RAB33B: variants seen among roughly 807,000 people sequenced by gnomAD.
The protein encoded by RAB33B is ras-related protein Rab-33B.
In RAB33B, 6 loss-of-function variants were observed where a neutral mutation model predicts 15.0. The observed-to-expected ratio is 0.40, with a 90% confidence interval of 0.22 to 0.79. RAB33B has a LOEUF of 0.79. Ranked by LOEUF, RAB33B falls within the 30% of genes least tolerant of loss-of-function variation. RAB33B has a pLI of 0.37. For synonymous variants in RAB33B, 117 were observed against 108.3 expected (o/e 1.08, Z -0.50); for missense variants, 257 against 296.4 (o/e 0.87, Z 0.98).
At chr4:139,442,179 T>G in the RAB33B span, among the ~76,000 whole-genome samples, 2 of 152,196 alleles carry the variant, frequency 1.3e-5, no homozygotes, top group Non-Finnish European at 2.9e-5. Flanking sequence ...AAATTGAGAT[T>G]TTTTGGGTGT....
intron 1 of RAB33B, among the ~76,000 whole-genome samples, chr4:139,471,829 G>T (rs1022274879): frequency 6.6e-6 from 1 of 152,182 alleles, no homozygotes; most frequent in African/African-American, 2.4e-5. Context: ...CCAAGGTTAC[G>T]AAGAGTTAAA....
Position 139,473,018 on chromosome 4 carries a change from C to T in RAB33B, c.582C>T (p.Thr194=). The T allele has an allele frequency of 1.2e-6, 2 of 1,614,132 alleles. No homozygotes were observed. Among genetic ancestry groups the T allele is most frequent in the Non-Finnish European group, 1.7e-6 (2 of 1,180,004 alleles). ...ACCATGTGGAAGCTATATTTATGAC[C>T]TTGGCTCATAAGCTTAAGAGCCACA... ...DNDHVEAIFM[T]LAHKLKSHKP... Residue 194 remains threonine, a synonymous_variant, in exon 2 of 2, where the codon ACC becomes ACT. Coordinates refer to ENST00000305626, the MANE Select transcript of RAB33B (RefSeq NM_031296.3).
At position 139,476,053 on chromosome 4, in the gene RAB33B, A is replaced by G. The variant is rs1750496784; in HGVS notation, c.*2927A>G. ...CAAAAAGCCCCCAACCCATTGGACAATTATTTTCTTGTATACATTTGAGGT... is the reference window on the plus strand; with the variant it reads ...CAAAAAGCCCCCAACCCATTGGACAGTTATTTTCTTGTATACATTTGAGGT... On this transcript the variant is annotated 3_prime_UTR_variant, in exon 2 of 2. Coordinates refer to ENST00000305626, the MANE Select transcript of RAB33B (RefSeq NM_031296.3). The G allele has an allele frequency of 6.6e-6, 1 of 152,200 alleles. No homozygotes were observed. Among genetic ancestry groups the G allele is most frequent in the African/African-American group, 2.4e-5 (1 of 41,456 alleles). The allele number at this position is 152,200 out of a possible 1,614,324, so 9.4% of individuals were successfully genotyped here.
the RAB33B span, among the ~76,000 whole-genome samples, chr4:139,445,146 TCTC>T: frequency 4.6e-5 from 7 of 152,332 alleles, no homozygotes; most frequent in East Asian, 1.3e-3. Context: ...AATTAACACA[TCTC>T]CTGGTACGTG....
intron 1 of RAB33B, among the ~76,000 whole-genome samples, chr4:139,462,186 T>TACA (rs992479066): frequency 1.3e-5 from 2 of 151,784 alleles, no homozygotes; most frequent in Non-Finnish European, 2.9e-5. Context: ...GCCGAGTAGC[T>TACA]GGGACTACAG....
the RAB33B span, among the ~76,000 whole-genome samples, chr4:139,446,119 C>G: frequency 6.6e-6 from 1 of 152,110 alleles, no homozygotes; most frequent in Non-Finnish European, 1.5e-5. Flanking sequence ...TCGAGCAGGT[C>G]CTGAAGGCAC....
upstream of RAB33B, chr4:139,453,822 C>G (rs1376539921): frequency 5.7e-6 from 1 of 175,052 alleles, no homozygotes; most frequent in Non-Finnish European, 1.2e-5. Context: ...CTCCAGAGGG[C>G]GGGAACCTTG....
chr4:139,442,906 G>T, the RAB33B span, among the ~76,000 whole-genome samples: 1 of 152,092 alleles, frequency 6.6e-6, no homozygotes, highest in Non-Finnish European at 1.5e-5. Flanking sequence ...GTTGGTTTTG[G>T]GGTTTCTGAA....
Position 139,454,444 on chromosome 4 carries a change from G to T in RAB33B, c.249G>T (p.Lys83Asn). ...TGGAGATTGATGGGGAGCGCATCAAGGTGAGCGGATGGGGAACTGTTGGGG... is the reference window on the plus strand; with the variant it reads ...TGGAGATTGATGGGGAGCGCATCAATGTGAGCGGATGGGGAACTGTTGGGG... ...RAVEIDGERI[K>N]IQLWDTAGQE... Residue 83 changes from lysine (K) to asparagine (N), a missense_variant and splice_region_variant, in exon 1 of 2, where the codon AAG becomes AAT. Transcript: ENST00000305626. The T allele has an allele frequency of 6.2e-7, 1 of 1,607,218 alleles. No homozygotes were observed. The highest frequency in any genetic ancestry group is 8.5e-7 in the Non-Finnish European group (1 of 1,179,844).
chr4:139,461,829 G>T lies in RAB33B; in HGVS notation c.249+7385G>T, dbSNP rs143715937. Among the ~76,000 whole-genome samples, 71 of 151,892 alleles carry T rather than the reference G, an allele frequency of 4.7e-4. No homozygotes were observed. The East Asian group carries it at 0.013, about 28-fold the overall frequency. ...CTCACGCCTGTCATCGCTTGAACCTGGGAGGCAGAGGTTGCAATGAGCTGA... is the reference window on the plus strand; with the variant it reads ...CTCACGCCTGTCATCGCTTGAACCTTGGAGGCAGAGGTTGCAATGAGCTGA... On this transcript the variant is annotated intron_variant, in intron 1 of 1. Coordinates refer to ENST00000305626, the MANE Select transcript of RAB33B (RefSeq NM_031296.3).
At chr4:139,471,111 G>A (rs1235013484) in intron 1 of RAB33B, among the ~76,000 whole-genome samples, 2 of 152,164 alleles carry the variant, frequency 1.3e-5, no homozygotes, top group African/African-American at 2.4e-5. Flanking sequence ...TTTAGCACTC[G>A]GAGTTGCCTC....
the RAB33B span, among the ~76,000 whole-genome samples, chr4:139,441,505 A>G: frequency 6.6e-6 from 1 of 152,192 alleles, no homozygotes; most frequent in East Asian, 1.9e-4. Flanking sequence ...TTTAACCACA[A>G]TGTACTGTCC....
intron 1 of RAB33B, among the ~76,000 whole-genome samples, chr4:139,462,913 T>C (rs1260899965): frequency 1.3e-5 from 2 of 152,186 alleles, no homozygotes; most frequent in African/African-American, 2.4e-5. Flanking sequence ...CCATGGCTCA[T>C]GCATGTAATC....
intron 1 of RAB33B, among the ~76,000 whole-genome samples, chr4:139,460,872 C>A (rs1750159022): frequency 6.6e-6 from 1 of 152,172 alleles, no homozygotes; most frequent in African/African-American, 2.4e-5. Context: ...ATCCCAGGAA[C>A]CAGGTCAGAA....
chr4:139,454,046 T>G, upstream of RAB33B: 3 of 919,868 alleles, frequency 3.3e-6, no homozygotes, highest in South Asian at 5.4e-5. Context: ...GGCGGGAAGG[T>G]GCGCAGGCGC....
the RAB33B span, among the ~76,000 whole-genome samples, chr4:139,446,141 A>G: frequency 6.6e-6 from 1 of 152,204 alleles, no homozygotes; most frequent in Admixed American, 6.5e-5. Flanking sequence ...AATAAGTTAC[A>G]TGAGGAAGTG....
At chr4:139,440,878 T>C in the RAB33B span, among the ~76,000 whole-genome samples, 2 of 152,320 alleles carry the variant, frequency 1.3e-5, no homozygotes, top group South Asian at 4.1e-4. Context: ...CCCAAAGTGC[T>C]AGGATTACAG....
chr4:139,473,244 T>C lies in RAB33B; in HGVS notation c.*118T>C. On this transcript the variant is annotated 3_prime_UTR_variant, in exon 2 of 2. Coordinates refer to ENST00000305626, the MANE Select transcript of RAB33B (RefSeq NM_031296.3). ...TGGGTCATCTTGACACTTTGCTGTT[T>C]GTCATTGTCACGCTTTTGTATTTTG... is the stretch of plus-strand genomic sequence containing the variant. 1.1e-6 allele frequency: 1 copy of C among 914,342 alleles called. No homozygotes were observed. The highest frequency in any genetic ancestry group is 1.6e-6 in the Non-Finnish European group (1 of 625,968). 56.6% of individuals were successfully genotyped at this position (914,342 alleles called of 1,614,324 possible).
chr4:139,472,660 T>C (rs765642589), intron 1 of RAB33B, 26 bp from the exon 2 acceptor site: 4 of 1,532,338 alleles, frequency 2.6e-6, no homozygotes, highest in Non-Finnish European at 3.5e-6. Context: ...GATTTTCAGT[T>C]TTCCTCTTTT....
Sources: gnomAD v4.1 joint callset for allele counts (sites outside exome capture counted in the v4.1 genomes callset) on GRCh38, gnomAD v4.1.1 for gene constraint, MANE v1.5 for transcripts, NCBI Gene and HGNC (gene_info 2026-07-23, HGNC 2026-07-21) for gene names.